Variants in ADAM12 observed in about 807,000 individuals in gnomAD.
ADAM12 encodes ADAM metallopeptidase domain 12.
Under a neutral mutation model 106.4 loss-of-function variants are expected in ADAM12, and 70 were observed. That is an observed-to-expected ratio of 0.66 (90% CI 0.54 to 0.80). The LOEUF is 0.80. Among genes scored for constraint, ADAM12 ranks in the 30% least tolerant of loss-of-function variants. The probability of loss-of-function intolerance (pLI) is 0.00; values close to 1 mark genes in which losing one functional copy is unlikely to be tolerated. For missense variants in ADAM12, 1,010 were observed against 1,171.9 expected (o/e 0.86, Z 2.02); for synonymous variants, 420 against 433.5 (o/e 0.97, Z 0.39).
chr10:126,116,466 T>A (rs1278388), intron 6 of ADAM12, among the ~76,000 whole-genome samples: 100,505 of 151,818 alleles, frequency 0.66, 34,065 homozygotes, highest in African/African-American at 0.82. Context: ...TAAGACAGGT[T>A]GCGGGGAGAA....
At chr10:126,119,352 G>A (rs1372687909) in intron 5 of ADAM12, among the ~76,000 whole-genome samples, 2 of 152,230 alleles carry the variant, frequency 1.3e-5, no homozygotes, top group South Asian at 2.1e-4. Context: ...TCTCAGGGTT[G>A]CTATGTCATC....
At chr10:126,138,299 AC>A (rs1404145890) in intron 4 of ADAM12, among the ~76,000 whole-genome samples, 55 of 152,044 alleles carry the variant, frequency 3.6e-4, no homozygotes, top group Non-Finnish European at 7.4e-4. Context: ...TCAGCACTAG[AC>A]CCTTATTAGA....
chr10:126,074,951 G>A (rs1043571725), intron 11 of ADAM12, among the ~76,000 whole-genome samples: 2 of 152,148 alleles, frequency 1.3e-5, no homozygotes, highest in Non-Finnish European at 2.9e-5. Flanking sequence ...CTGACCATGG[G>A]TGACAGCTCC....
chr10:126,301,704 T>G (rs755664365), intron 2 of ADAM12, among the ~76,000 whole-genome samples: 2 of 152,002 alleles, frequency 1.3e-5, no homozygotes, highest in East Asian at 3.9e-4. Context: ...TCATCAAAGG[T>G]TATATTTAAT....
At chr10:126,369,120 A>AT (rs1451908959) in intron 1 of ADAM12, among the ~76,000 whole-genome samples, 4 of 152,114 alleles carry the variant, frequency 2.6e-5, no homozygotes, top group Non-Finnish European at 5.9e-5. Flanking sequence ...GATACATGGT[A>AT]TTTTTTTTCA....
intron 1 of ADAM12, among the ~76,000 whole-genome samples, chr10:126,332,790 C>G (rs138910750): frequency 6.6e-6 from 1 of 152,158 alleles, no homozygotes; most frequent in Non-Finnish European, 1.5e-5. Flanking sequence ...ACGCATCGGC[C>G]GGTTTCAACG....
Position 126,015,288 on chromosome 10 carries a change from A to G in ADAM12, c.*1991T>C, listed in dbSNP as rs899844375. 2 of 152,194 alleles carry G rather than the reference A, an allele frequency of 1.3e-5. No individual in the cohort carries two copies. Among genetic ancestry groups the G allele is most frequent in the African/African-American group, 4.8e-5 (2 of 41,452 alleles). The allele number at this position is 152,194 out of a possible 1,614,324, so 9.4% of individuals were successfully genotyped here. On this transcript the variant is annotated 3_prime_UTR_variant, in exon 23 of 23. Transcript: ENST00000448723. ...AAAAACTCAGTTCATATCCTCTTAT[A>G]ATTGGAGGAAGGGCTAACATGCCAG...
chr10:126,128,495 A>G (rs1956242317), intron 5 of ADAM12, among the ~76,000 whole-genome samples: 1 of 152,250 alleles, frequency 6.6e-6, no homozygotes, highest in Admixed American at 6.5e-5. Context: ...TACTGCAACT[A>G]TCATCAGCAC....
chr10:126,366,736 C>T lies in ADAM12; in HGVS notation c.88+21322G>A, dbSNP rs561370508. Reference sequence around the variant, plus strand: ...TTTAAAAAATGAAAAAAATGCTCTGCGCATACATATGCAAACACTAAGCAT... The same window carrying T: ...TTTAAAAAATGAAAAAAATGCTCTGTGCATACATATGCAAACACTAAGCAT... On this transcript the variant is annotated intron_variant, in intron 1 of 22. Transcript: ENST00000448723. 2.0e-4 allele frequency among the ~76,000 whole-genome samples: 31 copies of T among 152,050 alleles called. 1 individual carries two copies. The highest frequency in any genetic ancestry group is 6.0e-4 in the African/African-American group (25 of 41,498).
intron 3 of ADAM12, among the ~76,000 whole-genome samples, chr10:126,191,235 C>G (rs1272278162): frequency 6.6e-6 from 1 of 152,006 alleles, no homozygotes; most frequent in Admixed American, 6.6e-5. Flanking sequence ...CTCCTGCCCT[C>G]AAGTGATCTG....
Position 126,388,290 on chromosome 10 carries a change from C to G in ADAM12, c.-145G>C. ...AGCTCCGGAGCCCTCGCGCAGCGCC[C>G]GCGCCGCCGCTGAGCTCTTCTAGCC... On this transcript the variant is annotated 5_prime_UTR_variant, in exon 1 of 23. Transcript: ENST00000448723. The surrounding 1 kb of genome is among the most constrained non-coding windows in gnomAD (Gnocchi z 4.4). 1.8e-6 allele frequency: 2 copies of G among 1,121,260 alleles called. No individual in the cohort carries two copies. Among genetic ancestry groups the G allele is most frequent in the Non-Finnish European group, 2.2e-6 (2 of 901,314 alleles). 69.5% of individuals were successfully genotyped at this position (1,121,260 alleles called of 1,614,324 possible). A position where few individuals can be genotyped will look rare whatever the true frequency, so the allele number is the denominator to read the frequency against.
intron 3 of ADAM12, among the ~76,000 whole-genome samples, chr10:126,193,810 T>C (rs2927506): frequency 0.063 from 9,616 of 152,086 alleles, 438 homozygotes; most frequent in African/African-American, 0.12. Context: ...GGCAGGAGAA[T>C]CTCTTGAATT....
chr10:126,014,551 C>T lies in ADAM12; in HGVS notation c.*2728G>A, dbSNP rs1420103157. On this transcript the variant is annotated 3_prime_UTR_variant, in exon 23 of 23. Coordinates refer to ENST00000448723, the MANE Select transcript of ADAM12 (RefSeq NM_001288973.2). Reference sequence around the variant, plus strand: ...AATCCACGCTGTGAAATGTAACCTCCTGTGTGTATTTCCACAATGGAGAAT... The same window carrying T: ...AATCCACGCTGTGAAATGTAACCTCTTGTGTGTATTTCCACAATGGAGAAT... 6.6e-6 allele frequency: 1 copy of T among 152,004 alleles called. No individual in the cohort carries two copies. The highest frequency in any genetic ancestry group is 2.4e-5 in the African/African-American group (1 of 41,370). The allele number at this position is 152,004 out of a possible 1,614,324, so 9.4% of individuals were successfully genotyped here.
chr10:126,226,209 A>AGGGGG (rs1429069895), intron 3 of ADAM12, among the ~76,000 whole-genome samples: 1 of 44,668 alleles, frequency 2.2e-5, no homozygotes, highest in African/African-American at 8.4e-5. Flanking sequence ...GGGCGGGGGG[A>AGGGGG]GTGGGGTGGG....
At chr10:126,045,309 C>T (rs931899176) in intron 17 of ADAM12, among the ~76,000 whole-genome samples, 1 of 152,220 alleles carries the variant, frequency 6.6e-6, no homozygotes, top group African/African-American at 2.4e-5. Context: ...ACACCCCCAT[C>T]TGAGGTGACA....
chr10:126,018,813 G>T (rs1457750910), intron 22 of ADAM12, among the ~76,000 whole-genome samples: 1 of 152,110 alleles, frequency 6.6e-6, no homozygotes, highest in Non-Finnish European at 1.5e-5. Context: ...TTTGCCCATT[G>T]TCCCTGTTTT....
intron 3 of ADAM12, among the ~76,000 whole-genome samples, chr10:126,182,084 C>T (rs1392750002): frequency 6.6e-6 from 1 of 152,204 alleles, no homozygotes; most frequent in African/African-American, 2.4e-5. Context: ...CGCAGTGCAT[C>T]CCAGGAAGTA....
chr10:126,155,848 T>C (rs948637862), intron 3 of ADAM12, among the ~76,000 whole-genome samples: 1 of 152,128 alleles, frequency 6.6e-6, no homozygotes, highest in African/African-American at 2.4e-5. Flanking sequence ...AGCAATGAAA[T>C]GCTAAAAGCA....
At chr10:126,147,201 A>G (rs116006329) in intron 4 of ADAM12, among the ~76,000 whole-genome samples, 2,263 of 152,300 alleles carry the variant, frequency 0.015, 59 homozygotes, top group African/African-American at 0.052. Context: ...ATATACCACG[A>G]ATGAAACATT....
Sources: allele counts gnomAD v4.1 joint callset (sites outside exome capture counted in the v4.1 genomes callset), GRCh38; gene constraint gnomAD v4.1.1; non-coding constraint Gnocchi (gnomAD v3.1); transcripts MANE v1.5; gene names NCBI Gene and HGNC (gene_info 2026-07-23, HGNC 2026-07-21).